The following PRPF38A variants were observed in gnomAD, a reference collection of about 807,000 sequenced individuals.
The protein encoded by PRPF38A is pre-mRNA processing factor 38A.
PRPF38A carries 11 observed loss-of-function variants against 46.8 expected under a neutral mutation model. The observed-to-expected ratio is 0.24, with a 90% CI of 0.15 to 0.39. The LOEUF is 0.39. Among genes scored for constraint, PRPF38A ranks in the 10% least tolerant of loss-of-function variants. PRPF38A has a pLI of 1.00. For synonymous variants in PRPF38A, 124 were observed against 136.2 expected (o/e 0.91, Z 0.62); for missense variants, 261 against 407.5 (o/e 0.64, Z 3.10).
chr1:52,413,816 A>T, intron 5 of PRPF38A, 63 bp from the exon 6 acceptor site: 1 of 1,047,766 alleles, frequency 9.5e-7, no homozygotes, highest in Non-Finnish European at 1.5e-6. Flanking sequence ...AAGTATAATT[A>T]GTGTTCCTAG....
At chr1:52,410,374 CTAG>C (rs1336739291) in intron 3 of PRPF38A, among the ~76,000 whole-genome samples, 1 of 150,034 alleles carries the variant, frequency 6.7e-6, no homozygotes, top group East Asian at 1.9e-4. Flanking sequence ...CTGCCATATA[CTAG>C]TAGTATAATC....
At chr1:52,411,708 A>G (rs1010158414) in intron 4 of PRPF38A, among the ~76,000 whole-genome samples, 12 of 152,236 alleles carry the variant, frequency 7.9e-5, no homozygotes, top group African/African-American at 2.4e-4. Flanking sequence ...TGCCTTCACC[A>G]TCCTGCTTCC....
intron 9 of PRPF38A, among the ~76,000 whole-genome samples, chr1:52,415,644 G>A (rs919447391): frequency 1.3e-5 from 2 of 152,008 alleles, no homozygotes; most frequent in Non-Finnish European, 2.9e-5. Flanking sequence ...TGCCTCCCGG[G>A]TTCAAGCTGA....
chr1:52,416,105 C>T (rs758160834), intron 9 of PRPF38A, among the ~76,000 whole-genome samples: 2 of 151,988 alleles, frequency 1.3e-5, no homozygotes, highest in Non-Finnish European at 2.9e-5. Flanking sequence ...TCCCAAAGTG[C>T]TGGGATTACA....
rs549356762 is a variant in PRPF38A at position 52,416,234 on chromosome 1, A to C, written c.897-414A>C. Among the ~76,000 whole-genome samples, 184 of 152,002 alleles carry C rather than the reference A, an allele frequency of 1.2e-3. 1 individual carries two copies. Among genetic ancestry groups the C allele is most frequent in the Non-Finnish European group, 2.2e-3 (153 of 68,000 alleles). ...CAAGAGTGTTGCTCTGAGTCAAAAA[A>C]ATACCAAGCAGTTTAATGAATATTG... On this transcript the variant is annotated intron_variant, in intron 9 of 9. Transcript: ENST00000257181.
In PRPF38A at chr1:52,419,767, T is replaced by C. The variant is rs975671048; in HGVS notation, c.*3077T>C. Reference sequence around the variant, plus strand: ...AAATATTCTGATGGTTTAAAAAGAATTGGCCGGGTGCGGTGGCTCACGCCT... The same window carrying C: ...AAATATTCTGATGGTTTAAAAAGAACTGGCCGGGTGCGGTGGCTCACGCCT... On this transcript the variant is annotated 3_prime_UTR_variant, in exon 10 of 10. Transcript: ENST00000257181. The C allele has an allele frequency of 1.3e-5, 2 of 152,206 alleles. No homozygotes were observed. The highest frequency in any genetic ancestry group is 4.8e-5 in the African/African-American group (2 of 41,436). The allele number at this position is 152,206 out of a possible 1,614,324, so 9.4% of individuals were successfully genotyped here.
intron 8 of PRPF38A, among the ~76,000 whole-genome samples, chr1:52,415,082 C>A (rs778499756): frequency 5.3e-5 from 8 of 152,170 alleles, no homozygotes; most frequent in Non-Finnish European, 8.8e-5. Context: ...TAAGATCTAA[C>A]ATAATAGTGA....
chr1:52,409,831 T>G (rs1411958419), intron 3 of PRPF38A, among the ~76,000 whole-genome samples: 2 of 152,044 alleles, frequency 1.3e-5, no homozygotes, highest in Non-Finnish European at 1.5e-5. Flanking sequence ...CATATAACTT[T>G]TGTGTGAGGA....
In PRPF38A at chr1:52,404,657, T is replaced by C. The variant is rs866903321; in HGVS notation, c.-93T>C. 53 of 1,426,896 alleles carry C rather than the reference T, an allele frequency of 3.7e-5. No individual in the cohort carries two copies. The South Asian group carries it at 6.6e-4, about 18-fold the overall frequency. 88.4% of individuals were successfully genotyped at this position (1,426,896 alleles called of 1,614,324 possible). A position where few individuals can be genotyped will look rare whatever the true frequency, so the allele number is the denominator to read the frequency against. On this transcript the variant is annotated 5_prime_UTR_variant, in exon 1 of 10. Transcript: ENST00000257181. ...CGCCTAAGCTGTTTAGTGAAACTTC[T>C]TCCACCTTTCTCCATTCCTCTAGGT...
chr1:52,411,102 C>G lies in PRPF38A; in HGVS notation c.413-13C>G. 1 of 1,604,528 alleles carries G rather than the reference C, an allele frequency of 6.2e-7. No individual in the cohort carries two copies. Among genetic ancestry groups the G allele is most frequent in the Non-Finnish European group, 8.5e-7 (1 of 1,172,678 alleles). ...ATTTCCAGGTTGTTTGCTCTAATGA[C>G]TTTTTCTTGCAGAGTTTGAATTGAT... On this transcript the variant is annotated splice_polypyrimidine_tract_variant and intron_variant, in intron 3 of 9. Coordinates refer to ENST00000257181, the MANE Select transcript of PRPF38A (RefSeq NM_032864.4).
Position 52,418,793 on chromosome 1 carries a change from C to T in PRPF38A, c.*2103C>T, listed in dbSNP as rs895542722. ...TGAAGCATTTTAAACTTTTTGACTA[C>T]AGCATACATTTTAAAAACGTATTTT... On this transcript the variant is annotated 3_prime_UTR_variant, in exon 10 of 10. Coordinates refer to ENST00000257181, the MANE Select transcript of PRPF38A (RefSeq NM_032864.4). 1.3e-5 allele frequency: 2 copies of T among 152,322 alleles called. No individual in the cohort carries two copies. Among genetic ancestry groups the T allele is most frequent in the Admixed American group, 6.5e-5 (1 of 15,300 alleles). The allele number at this position is 152,322 out of a possible 1,614,324, so 9.4% of individuals were successfully genotyped here. A position where few individuals can be genotyped will look rare whatever the true frequency, so the allele number is the denominator to read the frequency against.
At position 52,404,794 on chromosome 1, in the gene PRPF38A, C is replaced by T; in HGVS notation, c.45C>T (p.Thr15=). Residue 15 remains threonine (T), a synonymous_variant, in exon 1 of 10, where the codon ACC becomes ACT. Transcript: ENST00000257181. The part of the protein sequence containing the change: ...TVKDAHSIHG[T]NPQYLVEKII... ...AGGATGCGCACAGCATCCATGGCAC[C>T]AACCCTCAATATCTGGTGGAGAAGA... 6.2e-7 allele frequency: 1 copy of T among 1,614,172 alleles called. No homozygotes were observed.
chr1:52,404,973 G>A, intron 1 of PRPF38A, 94 bp downstream of exon 1: 2 of 1,466,026 alleles, frequency 1.4e-6, no homozygotes, highest in Non-Finnish European at 1.9e-6. Flanking sequence ...CTCTGGGGGT[G>A]GTACTGGAAC....
At chr1:52,414,960 A>G (rs1648249941) in intron 8 of PRPF38A, 101 bp downstream of exon 8, 2 of 1,018,908 alleles carry the variant, frequency 2.0e-6, no homozygotes, top group South Asian at 2.8e-5. Flanking sequence ...GTACTGCCTA[A>G]CAGAAAAGCA....
intron 3 of PRPF38A, 199 bp downstream of exon 3, chr1:52,408,889 G>T: frequency 2.0e-6 from 1 of 512,620 alleles, no homozygotes; most frequent in East Asian, 3.4e-5. Flanking sequence ...TACCCAGCCT[G>T]CCTCTGTCTG....
At position 52,417,860 on chromosome 1, in the gene PRPF38A, G is replaced by C. The variant is rs1389412385; in HGVS notation, c.*1170G>C. 6.6e-6 allele frequency: 1 copy of C among 152,392 alleles called. No homozygotes were observed. The highest frequency in any genetic ancestry group is 6.5e-5 in the Admixed American group (1 of 15,274). 9.4% of individuals were successfully genotyped at this position (152,392 alleles called of 1,614,324 possible). ...AGAAAGACAGGAGAATTAGGAGAGA[G>C]TGAGTGAAAGAAGCCAAGGGTCAAG... On this transcript the variant is annotated 3_prime_UTR_variant, in exon 10 of 10. Coordinates refer to ENST00000257181, the MANE Select transcript of PRPF38A (RefSeq NM_032864.4).
Position 52,418,268 on chromosome 1 carries a change from A to T in PRPF38A, c.*1578A>T. 1 of 152,494 alleles carries T rather than the reference A, an allele frequency of 6.6e-6. No homozygotes were observed. 9.4% of individuals were successfully genotyped at this position (152,494 alleles called of 1,614,324 possible). A position where few individuals can be genotyped will look rare whatever the true frequency, so the allele number is the denominator to read the frequency against. ...AAGAGCTCTTACGGTTTCTGATAGAACTATATAGGACTACCTTTTAAGATT... is the reference window on the plus strand; with the variant it reads ...AAGAGCTCTTACGGTTTCTGATAGATCTATATAGGACTACCTTTTAAGATT... On this transcript the variant is annotated 3_prime_UTR_variant, in exon 10 of 10. Coordinates refer to ENST00000257181, the MANE Select transcript of PRPF38A (RefSeq NM_032864.4).
rs1648316944 is a variant in PRPF38A at position 52,417,148 on chromosome 1, A to G, written c.*458A>G. On this transcript the variant is annotated 3_prime_UTR_variant, in exon 10 of 10. Transcript: ENST00000257181. Reference sequence around the variant, plus strand: ...TAGTTGCTCCTAACTTTTTTCCAGCAGCAGCAAGTGGTAATAAACATGAAA... The same window carrying G: ...TAGTTGCTCCTAACTTTTTTCCAGCGGCAGCAAGTGGTAATAAACATGAAA... 1 of 160,964 alleles carries G rather than the reference A, an allele frequency of 6.2e-6. No homozygotes were observed. The highest frequency in any genetic ancestry group is 1.4e-5 in the Non-Finnish European group (1 of 72,624). 10.0% of individuals were successfully genotyped at this position (160,964 alleles called of 1,614,324 possible). A position where few individuals can be genotyped will look rare whatever the true frequency, so the allele number is the denominator to read the frequency against.
intron 8 of PRPF38A, among the ~76,000 whole-genome samples, chr1:52,415,091 G>A (rs1414085468): frequency 6.6e-6 from 1 of 152,160 alleles, no homozygotes. Flanking sequence ...ACATAATAGT[G>A]AAAACCCAAT....
Sources: gnomAD v4.1 joint callset for allele counts (sites outside exome capture counted in the v4.1 genomes callset) on GRCh38, gnomAD v4.1.1 for gene constraint, MANE v1.5 for transcripts, NCBI Gene and HGNC (gene_info 2026-07-23, HGNC 2026-07-21) for gene names.